The following KCNAB1 variants were observed in gnomAD, a reference collection of about 807,000 sequenced individuals.
The protein encoded by KCNAB1 is voltage-gated potassium channel subunit beta-1.
In KCNAB1, 35 loss-of-function variants were observed where a neutral mutation model predicts 64.6. That is an observed-to-expected ratio of 0.54 (90% CI 0.41 to 0.72). KCNAB1 has a LOEUF of 0.72. KCNAB1 is among the 30% of genes least tolerant of loss of function. The pLI, the probability that KCNAB1 is intolerant of heterozygous loss-of-function variation, is 0.00. For missense variants in KCNAB1, 401 were observed against 512.9 expected (o/e 0.78, Z 2.11); for synonymous variants, 177 against 183.8 (o/e 0.96, Z 0.30).
chr3:156,338,460 G>A (rs982441788), intron 1 of KCNAB1, among the ~76,000 whole-genome samples: 44 of 151,898 alleles, frequency 2.9e-4, no homozygotes, highest in African/African-American at 1.0e-3. Context: ...ATAGGCATGT[G>A]CCAGCACACC....
At position 156,536,738 on chromosome 3, in the gene KCNAB1, T is replaced by C; in HGVS notation, c.1251T>C (p.Tyr417=). Residue 417 remains tyrosine, a synonymous_variant, in exon 14 of 14, where the codon TAT becomes TAC. Transcript: ENST00000490337. ...LRNKPYSKKD[Y]RS ...ACAAGCCCTACAGCAAGAAGGACTA[T>C]AGATCATAAGGCAATGCATGAACCA... The C allele has an allele frequency of 6.2e-7, 1 of 1,606,592 alleles. No homozygotes were observed. Among genetic ancestry groups the C allele is most frequent in the East Asian group, 2.2e-5 (1 of 44,854 alleles).
At chr3:156,329,234 A>T (rs1723177144) in intron 1 of KCNAB1, among the ~76,000 whole-genome samples, 1 of 152,094 alleles carries the variant, frequency 6.6e-6, no homozygotes, top group Admixed American at 6.6e-5. Flanking sequence ...GATCAGACAG[A>T]ATTTGTCCCC....
chr3:156,357,159 G>GCACACACACACACACACA (rs112441885), intron 1 of KCNAB1, among the ~76,000 whole-genome samples: 4 of 147,314 alleles, frequency 2.7e-5, no homozygotes, highest in African/African-American at 9.9e-5. Context: ...ACATGTGCGC[G>GCACACACACACACACACA]CACACACACA....
intron 1 of KCNAB1, among the ~76,000 whole-genome samples, chr3:156,272,819 C>T (rs907205840): frequency 6.6e-6 from 1 of 151,944 alleles, no homozygotes; most frequent in Non-Finnish European, 1.5e-5. Flanking sequence ...TATGCTGGGT[C>T]ACACCTAAAG....
At chr3:156,139,416 C>T (rs1714562216) in intron 1 of KCNAB1, among the ~76,000 whole-genome samples, 2 of 152,102 alleles carry the variant, frequency 1.3e-5, no homozygotes, top group African/African-American at 4.8e-5. Context: ...TGTGATTCTT[C>T]CTTGGCCCTC....
chr3:156,177,635 C>T (rs2108338555), intron 1 of KCNAB1, among the ~76,000 whole-genome samples: 2 of 152,086 alleles, frequency 1.3e-5, no homozygotes, highest in East Asian at 3.9e-4. Context: ...CCTTGGCCTC[C>T]CAAAGTGCTG....
intron 1 of KCNAB1, among the ~76,000 whole-genome samples, chr3:156,283,835 C>T (rs1189776497): frequency 6.6e-6 from 1 of 152,054 alleles, no homozygotes. Flanking sequence ...TTAAGCACTT[C>T]TCTGTATTGT....
intron 1 of KCNAB1, among the ~76,000 whole-genome samples, chr3:156,347,103 C>T (rs368372125): frequency 2.6e-5 from 4 of 151,878 alleles, no homozygotes; most frequent in African/African-American, 4.8e-5. Context: ...TAATTTATTA[C>T]GCTTAAGGTT....
At chr3:156,187,955 A>G (rs934553749) in intron 1 of KCNAB1, among the ~76,000 whole-genome samples, 2 of 152,212 alleles carry the variant, frequency 1.3e-5, no homozygotes, top group Non-Finnish European at 2.9e-5. Context: ...ATGCTGAACT[A>G]TGTGGCATTT....
Position 156,463,401 on chromosome 3 carries a change from C to A in KCNAB1, c.483-301C>A, listed in dbSNP as rs577289670. Reference sequence around the variant, plus strand: ...TGGCCCACCACTCACCTTTACTTTGCTATGTCGACATGGGCTTGCTGTCAG... The same window carrying A: ...TGGCCCACCACTCACCTTTACTTTGATATGTCGACATGGGCTTGCTGTCAG... On this transcript the variant is annotated intron_variant, in intron 5 of 13. Transcript: ENST00000490337. Among the ~76,000 whole-genome samples, 6 of 152,298 alleles carry A rather than the reference C, an allele frequency of 3.9e-5. 1 individual carries two copies. Among genetic ancestry groups the A allele is most frequent in the African/African-American group, 1.4e-4 (6 of 41,564 alleles).
chr3:156,418,074 A>G (rs1354857835), intron 1 of KCNAB1, among the ~76,000 whole-genome samples: 1 of 152,262 alleles, frequency 6.6e-6, no homozygotes, highest in South Asian at 2.1e-4. Flanking sequence ...GCAGATACTA[A>G]AAATGAACAT....
At chr3:156,283,674 C>T (rs1302285631) in intron 1 of KCNAB1, among the ~76,000 whole-genome samples, 1 of 151,790 alleles carries the variant, frequency 6.6e-6, no homozygotes, top group African/African-American at 2.4e-5. Flanking sequence ...TCTTTTTATT[C>T]TTTTTTCTCT....
chr3:156,502,733 T>C (rs1716535451), intron 8 of KCNAB1, among the ~76,000 whole-genome samples: 1 of 152,214 alleles, frequency 6.6e-6, no homozygotes. Context: ...GTTGCTTTTT[T>C]ACAGACTGAG....
rs141214114 is a variant in KCNAB1, at chr3:156,513,161, G to A, written c.659-1203G>A. ...CGGGAGGCGGAGCCTGCAGGGAGCC[G>A]AGATCTTGCCACTGCACTCCAGCCT... On this transcript the variant is annotated intron_variant, in intron 8 of 13. Transcript: ENST00000490337. Among the ~76,000 whole-genome samples, 4 of 152,086 alleles carry A rather than the reference G, an allele frequency of 2.6e-5. No individual in the cohort carries two copies. The East Asian group carries it at 5.8e-4, about 22-fold the overall frequency.
intron 1 of KCNAB1, among the ~76,000 whole-genome samples, chr3:156,145,868 G>T (rs1360743821): frequency 6.6e-6 from 1 of 151,796 alleles, no homozygotes; most frequent in Non-Finnish European, 1.5e-5. Context: ...CCCTTTAGGT[G>T]AAACATATAA....
chr3:156,121,292 G>T lies in KCNAB1; in HGVS notation c.275+406G>T, dbSNP rs59045052. 7.6e-3 allele frequency among the ~76,000 whole-genome samples: 1,161 copies of T among 152,292 alleles called. 14 individuals are homozygous for T. Among genetic ancestry groups the T allele is most frequent in the African/African-American group, 0.026 (1,062 of 41,560 alleles). On this transcript the variant is annotated intron_variant, in intron 1 of 13. Transcript: ENST00000490337. ...GGGATGAGGGAAGAACATTTGTTTT[G>T]CCTGGTTGAAAAGTGGAGTTGAGTA...
intron 1 of KCNAB1, among the ~76,000 whole-genome samples, chr3:156,392,225 AAACACCTTTCCC>A (rs1713095312): frequency 6.6e-6 from 1 of 152,202 alleles, no homozygotes. Context: ...CCAGTAGGAA[AAACACCTTTCCC>A]TTATTCACTG....
intron 1 of KCNAB1, among the ~76,000 whole-genome samples, chr3:156,369,655 T>C (rs1358375244): frequency 1.3e-5 from 2 of 152,142 alleles, no homozygotes; most frequent in African/African-American, 2.4e-5. Context: ...TCTCCTGAAT[T>C]TAGGGGAAGA....
intron 1 of KCNAB1, among the ~76,000 whole-genome samples, chr3:156,234,266 A>G (rs1318540796): frequency 6.6e-6 from 1 of 152,018 alleles, no homozygotes; most frequent in Non-Finnish European, 1.5e-5. Flanking sequence ...GAAGGAGGAG[A>G]GCATGATCAA....
Sources: allele counts gnomAD v4.1 joint callset (sites outside exome capture counted in the v4.1 genomes callset), GRCh38; gene constraint gnomAD v4.1.1; transcripts MANE v1.5; gene names NCBI Gene and HGNC (gene_info 2026-07-23, HGNC 2026-07-21).